Variants in KCNC2 observed in about 807,000 individuals in gnomAD.
KCNC2 encodes voltage-gated potassium channel KCNC2.
A neutral mutation model predicts 44.5 loss-of-function variants in KCNC2; 21 were observed. The observed-to-expected ratio is 0.47, with a 90% CI of 0.33 to 0.68. The LOEUF (loss-of-function observed/expected upper bound fraction) is 0.68, where lower values mean the gene tolerates loss of function less well. KCNC2 is among the 30% of genes least tolerant of loss of function. KCNC2 has a pLI of 0.01. For missense variants in KCNC2, 589 were observed against 826.2 expected, an observed-to-expected ratio of 0.71 and a Z score of 3.52; for synonymous variants, 391 against 339.1, an observed-to-expected ratio of 1.15 and a Z score of -1.68.
chr12:75,101,816 C>T (rs1886394717), intron 2 of KCNC2, among the ~76,000 whole-genome samples: 5 of 152,008 alleles, frequency 3.3e-5, no homozygotes, highest in African/African-American at 1.2e-4. Context: ...ATATACATTC[C>T]TCTGTGGCTA....
At chr12:75,043,687 T>G (rs1238516775) in intron 4 of KCNC2, 1 of 1,377,046 alleles carries the variant, frequency 7.3e-7, no homozygotes, top group African/African-American at 1.5e-5. Context: ...TACTTAAGTT[T>G]AAATGGACAA....
At position 75,048,277 on chromosome 12, in the gene KCNC2, T is replaced by C; in HGVS notation, c.1656A>G (p.Leu552=). The C allele has an allele frequency of 1.2e-6, 2 of 1,612,758 alleles. No individual in the cohort carries two copies. The highest frequency in any genetic ancestry group is 1.7e-6 in the Non-Finnish European group (2 of 1,179,252). ...GDDSTGSEPP[L]SPPERLPIRR... ...TGATGGGGAGCCTTTCTGGGGGTGA[T>C]AGTGGCGGCTCACTTCCTGTACTGT... is the stretch of plus-strand genomic sequence containing the variant. The change falls in exon 4 of 5, where the codon CTA becomes CTG. Residue 552 remains leucine (L), a synonymous_variant. Transcript: ENST00000549446.
chr12:75,055,023 T>A (rs1317981667), intron 2 of KCNC2, among the ~76,000 whole-genome samples: 1 of 152,172 alleles, frequency 6.6e-6, no homozygotes, highest in Non-Finnish European at 1.5e-5. Flanking sequence ...TTACATTGAA[T>A]AACATTCAGC....
chr12:75,060,528 A>G (rs1003854817), intron 2 of KCNC2, among the ~76,000 whole-genome samples: 3 of 151,960 alleles, frequency 2.0e-5, no homozygotes, highest in African/African-American at 7.2e-5. Context: ...TGCAGTGGTG[A>G]AATCACGGGT....
intron 2 of KCNC2, among the ~76,000 whole-genome samples, chr12:75,060,862 C>G (rs1317073129): frequency 1.3e-5 from 2 of 152,062 alleles, no homozygotes; most frequent in East Asian, 3.9e-4. Context: ...CTATCATGTA[C>G]CAGGCTATTT....
Position 75,041,448 on chromosome 12 carries a change from C to A in KCNC2, c.*1657G>T. 7.9e-7 allele frequency: 1 copy of A among 1,264,378 alleles called. No homozygotes were observed. The highest frequency in any genetic ancestry group is 1.0e-6 in the Non-Finnish European group (1 of 996,604). 78.3% of individuals were successfully genotyped at this position (1,264,378 alleles called of 1,614,324 possible). ...CAATAATAAAAGTGACAATTGTCTT[C>A]CTAACAAAAAATAAACATGAGAAAT... is the stretch of plus-strand genomic sequence containing the variant. On this transcript the variant is annotated 3_prime_UTR_variant, in exon 5 of 5. Coordinates refer to ENST00000549446, the MANE Select transcript of KCNC2 (RefSeq NM_139137.4).
intron 2 of KCNC2, among the ~76,000 whole-genome samples, chr12:75,110,022 T>C (rs758338066): frequency 2.7e-5 from 4 of 149,724 alleles, no homozygotes; most frequent in Non-Finnish European, 3.0e-5. Context: ...ATCATGGGAG[T>C]AAAGTTAACA....
intron 2 of KCNC2, among the ~76,000 whole-genome samples, chr12:75,162,072 T>A (rs1299659941): frequency 6.6e-6 from 1 of 151,650 alleles, no homozygotes; most frequent in South Asian, 2.1e-4. Flanking sequence ...TATAAACAAA[T>A]AAACAAAGAC....
At chr12:75,061,566 TACACACAC>T (rs59052402) in intron 2 of KCNC2, among the ~76,000 whole-genome samples, 52,921 of 143,080 alleles carry the variant, frequency 0.37, 10,564 homozygotes, top group Non-Finnish European at 0.47. Context: ...AAGTGACAAG[TACACACAC>T]ACACACACAC....
At chr12:75,169,562 T>C (rs914730417) in intron 2 of KCNC2, among the ~76,000 whole-genome samples, 7 of 151,636 alleles carry the variant, frequency 4.6e-5, no homozygotes, top group African/African-American at 1.7e-4. Context: ...AAAAGGAATG[T>C]AATTTACTTT....
chr12:75,199,908 A>G (rs1199762473), intron 2 of KCNC2, among the ~76,000 whole-genome samples: 1 of 151,840 alleles, frequency 6.6e-6, no homozygotes, highest in African/African-American at 2.4e-5. Context: ...TTGGGAGGTA[A>G]GCTCCTGCAG....
intron 2 of KCNC2, among the ~76,000 whole-genome samples, chr12:75,171,482 T>A (rs541384065): frequency 2.8e-4 from 42 of 151,988 alleles, no homozygotes; most frequent in African/African-American, 9.9e-4. Context: ...AATAAATGTA[T>A]GTCACTTGCA....
At chr12:75,117,268 T>C (rs949914318) in intron 2 of KCNC2, among the ~76,000 whole-genome samples, 4 of 152,128 alleles carry the variant, frequency 2.6e-5, no homozygotes, top group Admixed American at 6.5e-5. Flanking sequence ...TCAAAATATA[T>C]AAAGGAGAAA....
At chr12:75,193,605 G>C (rs1254903183) in intron 2 of KCNC2, among the ~76,000 whole-genome samples, 1 of 152,100 alleles carries the variant, frequency 6.6e-6, no homozygotes. Context: ...AAGAAAAGTG[G>C]AGCAAAATCT....
At chr12:75,177,850 G>A (rs1164644439) in intron 2 of KCNC2, among the ~76,000 whole-genome samples, 1 of 151,932 alleles carries the variant, frequency 6.6e-6, no homozygotes, top group African/African-American at 2.4e-5. Flanking sequence ...CATAATTTAA[G>A]ACATACATCT....
At chr12:75,076,967 G>C (rs1486215601) in intron 2 of KCNC2, among the ~76,000 whole-genome samples, 1 of 151,996 alleles carries the variant, frequency 6.6e-6, no homozygotes, top group Non-Finnish European at 1.5e-5. Context: ...TTTAGTAGTA[G>C]ATTATTTGTT....
chr12:75,052,290 C>T (rs1881262062), intron 2 of KCNC2, among the ~76,000 whole-genome samples: 1 of 152,096 alleles, frequency 6.6e-6, no homozygotes, highest in South Asian at 2.1e-4. Context: ...AAATGATAAG[C>T]CTGAGTCACT....
At chr12:75,111,338 A>AT (rs1292233841) in intron 2 of KCNC2, among the ~76,000 whole-genome samples, 1 of 151,568 alleles carries the variant, frequency 6.6e-6, no homozygotes, top group Non-Finnish European at 1.5e-5. Context: ...TAAGTTTTCT[A>AT]TTTTTCTATT....
chr12:75,206,331 A>G (rs773638246), intron 2 of KCNC2, among the ~76,000 whole-genome samples: 13 of 152,198 alleles, frequency 8.5e-5, no homozygotes, highest in Non-Finnish European at 1.5e-4. Context: ...CATACTGTAT[A>G]ATTTTTGGTT....
Sources: allele counts gnomAD v4.1 joint callset (sites outside exome capture counted in the v4.1 genomes callset), GRCh38; gene constraint gnomAD v4.1.1; transcripts MANE v1.5; gene names NCBI Gene and HGNC (gene_info 2026-07-23, HGNC 2026-07-21).